The following ARHGAP22 variants were observed in gnomAD, a reference collection of about 807,000 sequenced individuals.
The protein encoded by ARHGAP22 is rho GTPase-activating protein 22.
A neutral mutation model predicts 59.1 loss-of-function variants in ARHGAP22; 48 were observed. The observed-to-expected ratio is 0.81, with a 90% CI of 0.64 to 1.03. The LOEUF (loss-of-function observed/expected upper bound fraction) is 1.03. Among genes scored for constraint, ARHGAP22 ranks in the 50% least tolerant of loss-of-function variants. The pLI, the probability that ARHGAP22 is intolerant of heterozygous loss-of-function variation, is 0.00. For missense variants in ARHGAP22, 1,015 were observed against 958.7 expected, an observed-to-expected ratio of 1.06 and a Z score of -0.78; for synonymous variants, 445 against 416.4, an observed-to-expected ratio of 1.07 and a Z score of -0.84.
intron 2 of ARHGAP22, 121 bp from the exon 3 acceptor site, chr10:48,555,671 G>T: frequency 2.2e-6 from 2 of 899,848 alleles, no homozygotes; most frequent in Non-Finnish European, 3.5e-6. Flanking sequence ...GGCTGGGAAG[G>T]CTGGGCCTCA....
At chr10:48,558,642 C>G (rs1479846866) in intron 2 of ARHGAP22, among the ~76,000 whole-genome samples, 2 of 152,196 alleles carry the variant, frequency 1.3e-5, no homozygotes, top group Non-Finnish European at 1.5e-5. Flanking sequence ...GTTGGGGTTA[C>G]AGGTGTGAGT....
chr10:48,493,975 T>C (rs2050673128), intron 3 of ARHGAP22, among the ~76,000 whole-genome samples: 1 of 152,258 alleles, frequency 6.6e-6, no homozygotes, highest in African/African-American at 2.4e-5. Flanking sequence ...TAAGTGCTTA[T>C]GCCACATGGT....
At chr10:48,518,289 C>T (rs1454435448) in intron 3 of ARHGAP22, among the ~76,000 whole-genome samples, 4 of 152,192 alleles carry the variant, frequency 2.6e-5, no homozygotes, top group African/African-American at 9.7e-5. Context: ...GCTGCCACCT[C>T]GCCTGGCCTC....
chr10:48,631,088 T>C (rs1009327454), intron 1 of ARHGAP22, among the ~76,000 whole-genome samples: 12 of 152,232 alleles, frequency 7.9e-5, no homozygotes, highest in African/African-American at 2.7e-4. Context: ...ACATTGTTTA[T>C]CACATATTAA....
At chr10:48,581,927 T>G (rs1251115702) in intron 2 of ARHGAP22, among the ~76,000 whole-genome samples, 1 of 152,240 alleles carries the variant, frequency 6.6e-6, no homozygotes, top group Non-Finnish European at 1.5e-5. Flanking sequence ...TGTTCCCTTT[T>G]CACCCCTGTG....
At chr10:48,455,527 G>T (rs2046406616) in intron 5 of ARHGAP22, among the ~76,000 whole-genome samples, 1 of 152,224 alleles carries the variant, frequency 6.6e-6, no homozygotes, top group African/African-American at 2.4e-5. Flanking sequence ...CCTAGCAGCT[G>T]CCCTGGGCCA....
intron 1 of ARHGAP22, among the ~76,000 whole-genome samples, chr10:48,621,909 T>C (rs1233776959): frequency 6.6e-6 from 1 of 152,232 alleles, no homozygotes; most frequent in African/African-American, 2.4e-5. Context: ...CTTCTTTCTC[T>C]TTTGTAATAA....
At chr10:48,605,807 T>C (rs935732035), upstream of ARHGAP22, among the ~76,000 whole-genome samples, 3 of 152,254 alleles carry the variant, frequency 2.0e-5, no homozygotes, top group Admixed American at 6.5e-5. Context: ...AGGTGCTATA[T>C]ATATAGCGTT....
intron 1 of ARHGAP22, among the ~76,000 whole-genome samples, chr10:48,589,802 T>TA (rs2059641233): frequency 6.6e-6 from 1 of 152,152 alleles, no homozygotes; most frequent in African/African-American, 2.4e-5. Context: ...CCAAAATAGA[T>TA]ATGCAGCTAC....
chr10:48,455,269 G>T, intron 5 of ARHGAP22, 135 bp from the exon 6 acceptor site: 1 of 1,073,680 alleles, frequency 9.3e-7, no homozygotes, highest in South Asian at 2.2e-5. Context: ...CTGCATCTGC[G>T]GCCAGCTGCC....
intron 4 of ARHGAP22, among the ~76,000 whole-genome samples, chr10:48,462,243 C>G (rs1469580826): frequency 2.2e-5 from 1 of 45,984 alleles, no homozygotes; most frequent in African/African-American, 1.1e-4. Flanking sequence ...ATGCACACTT[C>G]GGGGTGGGGG....
chr10:48,580,822 A>G (rs2059066008), intron 2 of ARHGAP22, among the ~76,000 whole-genome samples: 1 of 151,948 alleles, frequency 6.6e-6, no homozygotes, highest in Non-Finnish European at 1.5e-5. Flanking sequence ...TTGAGTATCC[A>G]GTGTGCTAGG....
At chr10:48,497,513 G>A (rs973301734) in intron 3 of ARHGAP22, among the ~76,000 whole-genome samples, 3 of 152,238 alleles carry the variant, frequency 2.0e-5, no homozygotes, top group African/African-American at 7.2e-5. Flanking sequence ...GTTGAAGAGG[G>A]AGTGCCGGTG....
intron 3 of ARHGAP22, among the ~76,000 whole-genome samples, chr10:48,532,281 A>C (rs1900022): frequency 0.69 from 104,925 of 151,350 alleles, 37,618 homozygotes; most frequent in Middle Eastern, 0.79. Flanking sequence ...CCACTCACTG[A>C]CTTCTGCCTC....
intron 4 of ARHGAP22, among the ~76,000 whole-genome samples, chr10:48,472,262 G>T (rs1589590659): frequency 6.8e-6 from 1 of 147,896 alleles, no homozygotes; most frequent in South Asian, 2.2e-4. Context: ...GGTGGCTCAT[G>T]CCTGTAATCC....
chr10:48,648,772 C>A (rs191342948), intron 1 of ARHGAP22, among the ~76,000 whole-genome samples: 1 of 152,062 alleles, frequency 6.6e-6, no homozygotes, highest in Non-Finnish European at 1.5e-5. Flanking sequence ...GCAGGCGCAG[C>A]GGGGTGGGGG....
chr10:48,568,307 C>CG (rs1286510200), intron 2 of ARHGAP22, among the ~76,000 whole-genome samples: 1 of 152,176 alleles, frequency 6.6e-6, no homozygotes, highest in Non-Finnish European at 1.5e-5. Context: ...GACCCCATGC[C>CG]CATTCCTGGC....
At chr10:48,498,254 C>T (rs2051150004) in intron 3 of ARHGAP22, among the ~76,000 whole-genome samples, 1 of 152,102 alleles carries the variant, frequency 6.6e-6, no homozygotes, top group South Asian at 2.1e-4. Context: ...CTGCAGGGAC[C>T]ACGGCAGCCA....
chr10:48,452,727 G>A (rs919523685), intron 8 of ARHGAP22, among the ~76,000 whole-genome samples: 3 of 152,206 alleles, frequency 2.0e-5, no homozygotes, highest in South Asian at 2.1e-4. Flanking sequence ...GAGTCCCCTC[G>A]CCTCTCTTGG....
Sources: gnomAD v4.1 joint callset for allele counts (sites outside exome capture counted in the v4.1 genomes callset) on GRCh38, gnomAD v4.1.1 for gene constraint, MANE v1.5 for transcripts, NCBI Gene and HGNC (gene_info 2026-07-23, HGNC 2026-07-21) for gene names.